The following PRH1 variants were observed in gnomAD, a reference collection of about 807,000 sequenced individuals.
The protein encoded by PRH1 is proline rich protein HaeIII subfamily 1.
A neutral mutation model predicts 7.9 loss-of-function variants in PRH1; 7 were observed. The ratio of observed to expected loss-of-function variants is 0.89; its 90% CI spans 0.50 to 1.67. PRH1 has a LOEUF of 1.67. Among genes scored for constraint, PRH1 ranks in the 40% most tolerant of loss-of-function variants. PRH1 has a pLI of 0.00. For missense variants in PRH1, 109 were observed against 223.6 expected (o/e 0.49, Z 3.27); for synonymous variants, 45 against 80.8 (o/e 0.56, Z 2.38).
At position 10,985,594 on chromosome 12, in the gene PRH1, G is replaced by T. The variant is rs147302500; in HGVS notation, c.-125-11873C>A. Among the ~76,000 whole-genome samples the T allele has an allele frequency of 4.4e-3, 676 of 152,208 alleles. 9 individuals are homozygous for T. The highest frequency in any genetic ancestry group is 0.016 in the African/African-American group (645 of 41,516). On this transcript the variant is annotated intron_variant, in intron 1 of 3. Transcript: ENST00000539853. ...AACAATTATAAGTAAAGATCACACA[G>T]TTTTCAAGTGAAACATGATAATATG...
At chr12:10,970,082 G>A (rs11054109) in intron 2 of PRH1, among the ~76,000 whole-genome samples, 36,277 of 151,982 alleles carry the variant, frequency 0.24, 4,384 homozygotes, top group Non-Finnish European at 0.25. Context: ...GATTACAGAC[G>A]TGAGCCACTG....
At chr12:11,138,575 G>A (rs539136855) in intron 1 of PRH1, among the ~76,000 whole-genome samples, 1 of 152,058 alleles carries the variant, frequency 6.6e-6, no homozygotes, top group South Asian at 2.1e-4. Context: ...TAGTTTATTG[G>A]AAATTCATGA....
At chr12:11,160,716 T>C (rs540257996) in intron 1 of PRH1, among the ~76,000 whole-genome samples, 169 of 152,186 alleles carry the variant, frequency 1.1e-3, no homozygotes, top group Non-Finnish European at 1.7e-3. Flanking sequence ...CTCGTGATCC[T>C]CCTGCCTCAG....
At position 10,881,059 on chromosome 12, in the gene PRH1, GA is replaced by G; in HGVS notation, c.*19-4del. The G allele has an allele frequency of 2.1e-5, 4 of 194,014 alleles. No individual in the cohort carries two copies. The highest frequency in any genetic ancestry group is 1.4e-4 in the East Asian group (1 of 7,004). 12.0% of individuals were successfully genotyped at this position (194,014 alleles called of 1,614,324 possible). A position where few individuals can be genotyped will look rare whatever the true frequency, so the allele number is the denominator to read the frequency against. On this transcript the variant is annotated splice_region_variant and splice_polypyrimidine_tract_variant and intron_variant, in intron 3 of 3. Coordinates refer to ENST00000543626, the MANE Select transcript of PRH1 (RefSeq NM_001393989.1). ...ACTGTTATCTTCTTATTCACTTCCTGAAAAAGACAAGCAAACAAGGAAGATT... is the reference window on the plus strand; with the variant it reads ...ACTGTTATCTTCTTATTCACTTCCTGAAAAGACAAGCAAACAAGGAAGATT...
At chr12:11,107,149 C>A (rs1490789300) in intron 1 of PRH1, among the ~76,000 whole-genome samples, 1 of 152,082 alleles carries the variant, frequency 6.6e-6, no homozygotes, top group African/African-American at 2.4e-5. Flanking sequence ...TACAGGCATG[C>A]ATCACAACAC....
At chr12:11,088,272 T>C (rs1447686181) in intron 1 of PRH1, among the ~76,000 whole-genome samples, 2 of 121,524 alleles carry the variant, frequency 1.6e-5, no homozygotes, top group Non-Finnish European at 3.7e-5. Context: ...GCCCAGAAGG[T>C]TGAGGCTGTA....
intron 1 of PRH1, among the ~76,000 whole-genome samples, chr12:11,108,867 C>G (rs370506867): frequency 1.3e-5 from 2 of 152,194 alleles, no homozygotes; most frequent in Non-Finnish European, 2.9e-5. Flanking sequence ...GCCAAGTTGT[C>G]TAGCTCAGTG....
chr12:10,992,162 G>A (rs1333417912), intron 1 of PRH1, among the ~76,000 whole-genome samples: 1 of 152,096 alleles, frequency 6.6e-6, no homozygotes. Context: ...AAGCTTACAT[G>A]CCCTCGGTAA....
chr12:11,126,714 C>T (rs1394808597), intron 1 of PRH1, among the ~76,000 whole-genome samples: 2 of 152,132 alleles, frequency 1.3e-5, no homozygotes, highest in Non-Finnish European at 2.9e-5. Context: ...TAGAGTGTAA[C>T]TGTACTAGAC....
intron 1 of PRH1, among the ~76,000 whole-genome samples, chr12:11,158,276 G>A (rs1047332892): frequency 4.6e-5 from 7 of 151,750 alleles, no homozygotes; most frequent in African/African-American, 1.7e-4. Context: ...ATTACATCTG[G>A]GTTATTTTAT....
intron 1 of PRH1, chr12:11,133,488 CA>C: frequency 1.2e-6 from 2 of 1,610,624 alleles, no homozygotes; most frequent in Non-Finnish European, 1.7e-6. Context: ...TCCAGCCTCC[CA>C]AAATTACAAA....
intron 2 of PRH1, among the ~76,000 whole-genome samples, chr12:10,952,119 AG>A (rs1565495266): frequency 1.3e-5 from 2 of 152,236 alleles, no homozygotes; most frequent in South Asian, 2.1e-4. Context: ...TGTCTGGTTC[AG>A]GCACGAAACA....
chr12:11,020,363 G>GATATATCTATAT (rs1941545453), intron 1 of PRH1, among the ~76,000 whole-genome samples: 9 of 87,584 alleles, frequency 1.0e-4, no homozygotes, highest in East Asian at 3.1e-3. Flanking sequence ...TATGATAAGC[G>GATATATCTATAT]ATATATATAT....
intron 1 of PRH1, among the ~76,000 whole-genome samples, chr12:11,104,962 T>C (rs1017195527): frequency 6.6e-6 from 1 of 151,856 alleles, no homozygotes; most frequent in Admixed American, 6.6e-5. Flanking sequence ...GACTATTTCA[T>C]ATACACTTAT....
chr12:11,152,038 C>T (rs1947110372), intron 1 of PRH1, among the ~76,000 whole-genome samples: 2 of 150,980 alleles, frequency 1.3e-5, no homozygotes, highest in Non-Finnish European at 2.9e-5. Flanking sequence ...TTTTAAATAA[C>T]TTAATGTTTT....
At chr12:10,946,911 A>G (rs1950496340) in intron 2 of PRH1, among the ~76,000 whole-genome samples, 1 of 152,088 alleles carries the variant, frequency 6.6e-6, no homozygotes, top group Non-Finnish European at 1.5e-5. Context: ...CAGGAGCATG[A>G]TGTTTAATTT....
chr12:11,115,921 T>C (rs1339825651), downstream of PRH1, among the ~76,000 whole-genome samples: 1 of 151,994 alleles, frequency 6.6e-6, no homozygotes, highest in Non-Finnish European at 1.5e-5. Flanking sequence ...AATTTATAGC[T>C]ATAAGGGCCT....
chr12:10,983,363 T>G (rs780409644), intron 1 of PRH1, among the ~76,000 whole-genome samples: 1 of 152,218 alleles, frequency 6.6e-6, no homozygotes, highest in Admixed American at 6.5e-5. Context: ...TTGGAGGGCA[T>G]GAGCCAATCT....
chr12:10,948,629 C>T (rs776354369), intron 2 of PRH1, among the ~76,000 whole-genome samples: 2 of 152,128 alleles, frequency 1.3e-5, no homozygotes, highest in Non-Finnish European at 2.9e-5. Context: ...GTCATTCTAG[C>T]CAGTTCAACC....
Sources: allele counts gnomAD v4.1 joint callset (sites outside exome capture counted in the v4.1 genomes callset), GRCh38; gene constraint gnomAD v4.1.1; transcripts MANE v1.5; gene names NCBI Gene and HGNC (gene_info 2026-07-23, HGNC 2026-07-21).